Variants in TMEM232 observed in about 807,000 individuals in gnomAD.
TMEM232 encodes the protein transmembrane protein 232.
Under a neutral mutation model 78.8 loss-of-function variants are expected in TMEM232, and 80 were observed. That is an observed-to-expected ratio of 1.01 (90% CI 0.85 to 1.22). The LOEUF (loss-of-function observed/expected upper bound fraction) is 1.22. Among genes scored for constraint, TMEM232 ranks in the 50% most tolerant of loss-of-function variants. The pLI is 0.00. For missense variants in TMEM232, 881 were observed against 742.2 expected (o/e 1.19, Z -2.17); for synonymous variants, 297 against 254.3 (o/e 1.17, Z -1.60).
chr5:110,624,018 G>C (rs1432778442), intron 7 of TMEM232, among the ~76,000 whole-genome samples: 2 of 152,106 alleles, frequency 1.3e-5, no homozygotes, highest in East Asian at 3.9e-4. Flanking sequence ...CTGTGTGTGT[G>C]TGCACCAAGA....
At chr5:110,730,547 C>T (rs1276326062), upstream of TMEM232, among the ~76,000 whole-genome samples, 1 of 152,120 alleles carries the variant, frequency 6.6e-6, no homozygotes, top group Admixed American at 6.5e-5. Flanking sequence ...TTTAATTGGA[C>T]TTACAGTTCC....
chr5:110,684,654 C>T (rs959294921), intron 1 of TMEM232: 2 of 152,036 alleles, frequency 1.3e-5, no homozygotes, highest in African/African-American at 4.8e-5. Context: ...CAACAAACAA[C>T]AAAAATTTAG....
At chr5:110,680,322 G>A (rs558454119) in intron 1 of TMEM232, among the ~76,000 whole-genome samples, 7 of 151,440 alleles carry the variant, frequency 4.6e-5, no homozygotes, top group Admixed American at 2.0e-4. Flanking sequence ...ACTTGAACCC[G>A]GGAGGTGGAG....
intron 5 of TMEM232, among the ~76,000 whole-genome samples, chr5:110,631,753 T>A (rs1785159714): frequency 6.6e-6 from 1 of 152,050 alleles, no homozygotes; most frequent in South Asian, 2.1e-4. Flanking sequence ...GGGCTGTAGG[T>A]GAAGACTGCA....
chr5:110,574,990 C>T (rs936849780), intron 10 of TMEM232, among the ~76,000 whole-genome samples: 1 of 151,898 alleles, frequency 6.6e-6, no homozygotes, highest in East Asian at 1.9e-4. Context: ...CCCAAACTTG[C>T]AGCTGGTGTC....
intron 12 of TMEM232, among the ~76,000 whole-genome samples, chr5:110,473,813 A>G (rs560425173): frequency 1.3e-5 from 2 of 150,084 alleles, no homozygotes; most frequent in Non-Finnish European, 3.0e-5. Flanking sequence ...AATTCAAAAA[A>G]AAAGAGGAAA....
intron 2 of TMEM232, among the ~76,000 whole-genome samples, chr5:110,650,286 C>A (rs1031983008): frequency 1.3e-5 from 2 of 151,916 alleles, no homozygotes; most frequent in African/African-American, 2.4e-5. Context: ...TCTAAATTTT[C>A]TTCTAATAAA....
chr5:110,626,873 C>T (rs1307529031), intron 6 of TMEM232, among the ~76,000 whole-genome samples: 3 of 151,998 alleles, frequency 2.0e-5, no homozygotes, highest in African/African-American at 7.2e-5. Context: ...CCTCTTACCT[C>T]CCTTATTTCC....
At position 110,485,203 on chromosome 5, in the gene TMEM232, C is replaced by T. The variant is rs374763701; in HGVS notation, c.1703+43385G>A. ...CAGATAACAAGATAAAACAACCATG[C>T]AGCTAACTAACAAGGAACAGAAGAC... On this transcript the variant is annotated intron_variant, in intron 12 of 13. Transcript: ENST00000455884. 5.3e-5 allele frequency among the ~76,000 whole-genome samples: 8 copies of T among 152,174 alleles called. 1 individual carries two copies. Among genetic ancestry groups the T allele is most frequent in the East Asian group, 3.9e-4 (2 of 5,186 alleles).
chr5:110,641,463 A>G (rs1032914932), intron 3 of TMEM232, among the ~76,000 whole-genome samples: 1 of 151,982 alleles, frequency 6.6e-6, no homozygotes, highest in Non-Finnish European at 1.5e-5. Context: ...TATTGTGCCC[A>G]CTCCTGGGAC....
At chr5:110,657,726 G>T (rs1285421407) in intron 2 of TMEM232, among the ~76,000 whole-genome samples, 1 of 152,054 alleles carries the variant, frequency 6.6e-6, no homozygotes, top group African/African-American at 2.4e-5. Flanking sequence ...AATATTTCAA[G>T]ATAGCCAGAA....
intron 1 of TMEM232, among the ~76,000 whole-genome samples, chr5:110,714,715 T>A (rs1796853616): frequency 6.6e-6 from 1 of 152,212 alleles, no homozygotes; most frequent in Non-Finnish European, 1.5e-5. Flanking sequence ...TGACTGTCAT[T>A]TAGAAAACTC....
In TMEM232 at chr5:110,562,022, G is replaced by A. The variant is rs191057456; in HGVS notation, c.1455+6425C>T. Among the ~76,000 whole-genome samples, 26 of 152,086 alleles carry A rather than the reference G, an allele frequency of 1.7e-4. No homozygotes were observed. The East Asian group carries it at 3.3e-3, about 19-fold the overall frequency. ...TAGAGACAATGAGCAAGGTGTGGTC[G>A]TACAGAGCACTGAATAAATTGGAAA... On this transcript the variant is annotated intron_variant, in intron 11 of 13. Coordinates refer to ENST00000455884, the MANE Select transcript of TMEM232 (RefSeq NM_001039763.4).
chr5:110,439,008 T>A (rs974002031), intron 12 of TMEM232, among the ~76,000 whole-genome samples: 5 of 152,194 alleles, frequency 3.3e-5, no homozygotes, highest in Admixed American at 3.3e-4. Flanking sequence ...AAGATATTTT[T>A]ATCTCAATTG....
rs542957945 is a variant in TMEM232, at chr5:110,500,963, G to C, written c.1703+27625C>G. Among the ~76,000 whole-genome samples the C allele has an allele frequency of 2.0e-4, 30 of 152,200 alleles. No homozygotes were observed. In the South Asian group the frequency reaches 5.8e-3, roughly 30 times the overall value. On this transcript the variant is annotated intron_variant, in intron 12 of 13. Transcript: ENST00000455884. ...CCACCTTTCTATACCTTTATGAACT[G>C]GTCAAAATGCAAGATACAAAATGAT...
chr5:110,443,034 T>G (rs931712886), intron 12 of TMEM232, among the ~76,000 whole-genome samples: 1 of 152,168 alleles, frequency 6.6e-6, no homozygotes, highest in Non-Finnish European at 1.5e-5. Context: ...GTCAACCTGA[T>G]GTCAGCACAG....
intron 2 of TMEM232, among the ~76,000 whole-genome samples, chr5:110,411,300 G>A (rs994159240): frequency 2.0e-5 from 3 of 152,046 alleles, no homozygotes; most frequent in African/African-American, 4.8e-5. Context: ...TTTATTTTCT[G>A]TTTTCCACTC....
chr5:110,390,722 T>C (rs988836211), intron 3 of TMEM232: 3 of 152,214 alleles, frequency 2.0e-5, no homozygotes, highest in South Asian at 4.1e-4. Context: ...ACTTACCTAC[T>C]CTGTTGGCCT....
intron 3 of TMEM232, among the ~76,000 whole-genome samples, chr5:110,391,549 C>T (rs923949080): frequency 1.3e-5 from 2 of 151,712 alleles, no homozygotes; most frequent in Non-Finnish European, 2.9e-5. Flanking sequence ...ATTAATTGGA[C>T]AGGAAATATA....
Sources: allele counts gnomAD v4.1 joint callset (sites outside exome capture counted in the v4.1 genomes callset), GRCh38; gene constraint gnomAD v4.1.1; transcripts MANE v1.5; gene names NCBI Gene and HGNC (gene_info 2026-07-23, HGNC 2026-07-21).